The following GCNT1 variants were observed in gnomAD, a reference collection of about 807,000 sequenced individuals.
GCNT1 encodes beta-1,3-galactosyl-O-glycosyl-glycoprotein beta-1,6-N-acetylglucosaminyltransferase.
GCNT1 carries 16 observed loss-of-function variants against 26.2 expected under a neutral mutation model. The ratio of observed to expected loss-of-function variants is 0.61; its 90% confidence interval spans 0.41 to 0.93. The LOEUF is 0.93. Ranked by LOEUF, GCNT1 falls within the 40% of genes least tolerant of loss-of-function variation. The probability of loss-of-function intolerance (pLI) is 0.00; values close to 1 mark genes in which losing one functional copy is unlikely to be tolerated. For synonymous variants in GCNT1, 183 were observed against 190.8 expected (o/e 0.96, Z 0.34); for missense variants, 477 against 526.7 (o/e 0.91, Z 0.92).
At chr9:76,414,537 A>G in the GCNT1 span, among the ~76,000 whole-genome samples, 27 of 152,148 alleles carry the variant, frequency 1.8e-4, no homozygotes, top group Non-Finnish European at 3.4e-4. Context: ...CTGGTTGACT[A>G]TTTTTATGGT....
At chr9:76,411,804 C>T in the GCNT1 span, among the ~76,000 whole-genome samples, 6 of 144,902 alleles carry the variant, frequency 4.1e-5, no homozygotes, top group Non-Finnish European at 7.5e-5. Flanking sequence ...CGGGTTAAAG[C>T]GATTCTCCTA....
chr9:76,485,751 G>A (rs1587445665), intron 2 of GCNT1, among the ~76,000 whole-genome samples: 1 of 147,624 alleles, frequency 6.8e-6, no homozygotes, highest in East Asian at 2.0e-4. Context: ...TTTTTTTTGA[G>A]ACAAGGTCTC....
chr9:76,440,802 A>G (rs546538317), upstream of GCNT1, among the ~76,000 whole-genome samples: 1 of 152,216 alleles, frequency 6.6e-6, no homozygotes, highest in East Asian at 1.9e-4. Flanking sequence ...GCAGTGACTC[A>G]TGCCTGTAAT....
At chr9:76,394,118 G>A in the GCNT1 span, 40 of 1,609,254 alleles carry the variant, frequency 2.5e-5, no homozygotes, top group East Asian at 8.3e-4. Context: ...GCTTGGAGCC[G>A]CGGCCGAAGC....
chr9:76,409,011 G>C, the GCNT1 span, among the ~76,000 whole-genome samples: 1 of 152,150 alleles, frequency 6.6e-6, no homozygotes, highest in Non-Finnish European at 1.5e-5. Context: ...TTTTCTGAAA[G>C]AGATTATAGA....
At chr9:76,405,736 C>T in the GCNT1 span, among the ~76,000 whole-genome samples, 1 of 152,140 alleles carries the variant, frequency 6.6e-6, no homozygotes, top group Non-Finnish European at 1.5e-5. Flanking sequence ...TTATTTTTAG[C>T]ATAGAATAAT....
At chr9:76,405,348 G>A in the GCNT1 span, among the ~76,000 whole-genome samples, 1 of 150,072 alleles carries the variant, frequency 6.7e-6, no homozygotes, top group Non-Finnish European at 1.5e-5. Flanking sequence ...CCTGCACTAG[G>A]CACTAGAATG....
chr9:76,413,666 TTG>T, the GCNT1 span, among the ~76,000 whole-genome samples: 10 of 99,936 alleles, frequency 1.0e-4, no homozygotes, highest in African/African-American at 2.9e-4. Flanking sequence ...TTTTTTTTTT[TTG>T]TTTTTTTTTT....
chr9:76,407,779 C>T, the GCNT1 span, among the ~76,000 whole-genome samples: 45 of 152,242 alleles, frequency 3.0e-4, 1 homozygote, highest in South Asian at 9.3e-3. Flanking sequence ...TTTAGTTCTT[C>T]TTTGATTTAT....
At chr9:76,455,960 T>C (rs1823753066), upstream of GCNT1, among the ~76,000 whole-genome samples, 1 of 152,216 alleles carries the variant, frequency 6.6e-6, no homozygotes, top group Non-Finnish European at 1.5e-5. Context: ...ATTTTAAGAA[T>C]ATATTGCTAT....
chr9:76,471,496 T>A (rs1457404585), intron 2 of GCNT1, among the ~76,000 whole-genome samples: 2 of 152,206 alleles, frequency 1.3e-5, no homozygotes, highest in Non-Finnish European at 2.9e-5. Context: ...CGTGCATGTA[T>A]GTCTCACTGC....
chr9:76,493,097 C>G (rs1320545075), intron 2 of GCNT1, among the ~76,000 whole-genome samples: 1 of 152,182 alleles, frequency 6.6e-6, no homozygotes, highest in Admixed American at 6.5e-5. Context: ...GAAGGATTCT[C>G]TTCCTTGCCC....
At chr9:76,481,130 C>T (rs1422788693) in intron 2 of GCNT1, among the ~76,000 whole-genome samples, 1 of 152,028 alleles carries the variant, frequency 6.6e-6, no homozygotes, top group African/African-American at 2.4e-5. Context: ...CCCAGCTACT[C>T]AGGAGGCTGA....
At chr9:76,475,402 G>A (rs587766) in intron 2 of GCNT1, among the ~76,000 whole-genome samples, 144,882 of 152,296 alleles carry the variant, frequency 0.95, 68,935 homozygotes, top group East Asian at 1. Context: ...AAGATTTGGG[G>A]GATTCCAGAG....
chr9:76,428,032 C>G (rs1823278751), intron 1 of GCNT1, among the ~76,000 whole-genome samples: 1 of 151,586 alleles, frequency 6.6e-6, no homozygotes, highest in South Asian at 2.1e-4. Flanking sequence ...CATTAAAGGC[C>G]AAGGCGGGCA....
chr9:76,491,119 C>T (rs1433601969), intron 2 of GCNT1, among the ~76,000 whole-genome samples: 1 of 149,626 alleles, frequency 6.7e-6, no homozygotes, highest in Non-Finnish European at 1.5e-5. Flanking sequence ...TTGACTTCTT[C>T]TTTGTCTCTC....
intron 1 of GCNT1, among the ~76,000 whole-genome samples, chr9:76,431,032 A>G (rs1256353890): frequency 6.6e-6 from 1 of 152,218 alleles, no homozygotes; most frequent in Non-Finnish European, 1.5e-5. Context: ...AAAAAGAATG[A>G]AAGAATATAT....
At chr9:76,429,598 C>A (rs928196249) in intron 1 of GCNT1, among the ~76,000 whole-genome samples, 1 of 152,066 alleles carries the variant, frequency 6.6e-6, no homozygotes, top group Non-Finnish European at 1.5e-5. Context: ...CAGCTGGAGT[C>A]TCTCTCATCA....
At chr9:76,468,512 A>G (rs1472198519) in intron 2 of GCNT1, among the ~76,000 whole-genome samples, 1 of 152,172 alleles carries the variant, frequency 6.6e-6, no homozygotes, top group Non-Finnish European at 1.5e-5. Flanking sequence ...TATATATGTC[A>G]TGGCATGAGA....
Sources: gnomAD v4.1 joint callset for allele counts (sites outside exome capture counted in the v4.1 genomes callset) on GRCh38, gnomAD v4.1.1 for gene constraint, MANE v1.5 for transcripts, NCBI Gene and HGNC (gene_info 2026-07-23, HGNC 2026-07-21) for gene names.